Variants in TBC1D21 observed in about 807,000 individuals in gnomAD.
The protein encoded by TBC1D21 is TBC1 domain family member 21.
In TBC1D21, 38 loss-of-function variants were observed where a neutral mutation model predicts 46.0. That is an observed-to-expected ratio of 0.83 (90% CI 0.64 to 1.08). TBC1D21 has a LOEUF of 1.08. Ranked by LOEUF, TBC1D21 falls within the 50% of genes least tolerant of loss-of-function variation. TBC1D21 has a pLI of 0.00. For missense variants in TBC1D21, 415 were observed against 417.9 expected, an observed-to-expected ratio of 0.99 and a Z score of 0.06; for synonymous variants, 151 against 157.2, an observed-to-expected ratio of 0.96 and a Z score of 0.29.
chr15:73,876,498 C>T (rs2068071710), intron 1 of TBC1D21, among the ~76,000 whole-genome samples: 1 of 151,462 alleles, frequency 6.6e-6, no homozygotes, highest in South Asian at 2.1e-4. Flanking sequence ...CCGCCTCGGC[C>T]TCCCAAAGTG....
In TBC1D21 at chr15:73,880,104, C is replaced by T. The variant is rs552466423; in HGVS notation, c.61-1295C>T. On this transcript the variant is annotated intron_variant, in intron 1 of 10. Transcript: ENST00000300504. ...TAGAGACAGGGTTTCACCATGTTGC[C>T]CCAGGCTGGTCTCGAACTGACCTCA... is the stretch of plus-strand genomic sequence containing the variant. Among the ~76,000 whole-genome samples the T allele has an allele frequency of 4.5e-4, 69 of 152,122 alleles. No individual in the cohort carries two copies. The South Asian group carries it at 0.012, about 26-fold the overall frequency.
At chr15:73,880,045 C>T (rs576747106) in intron 1 of TBC1D21, among the ~76,000 whole-genome samples, 64 of 151,946 alleles carry the variant, frequency 4.2e-4, no homozygotes, top group South Asian at 1.3e-3. Context: ...TACCGGCATG[C>T]GCCACCATGC....
downstream of TBC1D21, among the ~76,000 whole-genome samples, chr15:73,890,494 G>T (rs1246675473): frequency 6.6e-6 from 1 of 152,210 alleles, no homozygotes; most frequent in African/African-American, 2.4e-5. Context: ...TTAAATAAGT[G>T]TTCCCGCATG....
At chr15:73,878,949 G>A (rs1457289908) in intron 1 of TBC1D21, among the ~76,000 whole-genome samples, 1 of 152,200 alleles carries the variant, frequency 6.6e-6, no homozygotes, top group Non-Finnish European at 1.5e-5. Flanking sequence ...CAGAAAGCTT[G>A]CTCTGATGAG....
intron 9 of TBC1D21, among the ~76,000 whole-genome samples, chr15:73,888,095 C>T (rs2141583455): frequency 6.6e-6 from 1 of 152,142 alleles, no homozygotes; most frequent in East Asian, 1.9e-4. Context: ...GAGTTTTCCA[C>T]CATTTTAAAA....
chr15:73,887,701 C>T lies in TBC1D21; in HGVS notation c.859C>T (p.Leu287=), dbSNP rs375614142. The part of the protein sequence containing the change: ...SMLQMVREQV[L]QESMGGDDIL... ...GCTGCAGATGGTGCGGGAGCAGGTGCTGCAGGAAAGCATGGGCGGGGATGA... is the reference window on the plus strand; with the variant it reads ...GCTGCAGATGGTGCGGGAGCAGGTGTTGCAGGAAAGCATGGGCGGGGATGA... Residue 287 remains leucine, a synonymous_variant, in exon 9 of 11, where the codon CTG becomes TTG. Coordinates refer to ENST00000300504, the MANE Select transcript of TBC1D21 (RefSeq NM_153356.3). The T allele has an allele frequency of 3.1e-6, 5 of 1,613,808 alleles. No homozygotes were observed. In the African/African-American group the frequency reaches 6.7e-5, roughly 22 times the overall value.
intron 5 of TBC1D21, 41 bp from the exon 6 acceptor site, chr15:73,884,962 T>TACC: frequency 1.9e-6 from 3 of 1,593,054 alleles, no homozygotes; most frequent in Non-Finnish European, 8.6e-7. Flanking sequence ...GTCCAGGCTC[T>TACC]CCCACCCAGC....
At chr15:73,889,398 C>A (rs115243517), downstream of TBC1D21, among the ~76,000 whole-genome samples, 1 of 152,114 alleles carries the variant, frequency 6.6e-6, no homozygotes, top group African/African-American at 2.4e-5. Context: ...TCCAAGGCTG[C>A]GGTGGATCCA....
chr15:73,907,150 CT>C, the TBC1D21 span, among the ~76,000 whole-genome samples: 103 of 96,404 alleles, frequency 1.1e-3, 1 homozygote, highest in Admixed American at 4.6e-4. Flanking sequence ...TCCTCCTCCT[CT>C]TTTTTTCCCC....
chr15:73,873,967 A>G (rs2068014254), intron 1 of TBC1D21, among the ~76,000 whole-genome samples, 198 bp downstream of exon 1: 1 of 152,192 alleles, frequency 6.6e-6, no homozygotes, highest in African/African-American at 2.4e-5. Context: ...CTTCTTTCCA[A>G]GCCAGCAAAA....
chr15:73,890,372 G>A (rs2068326870), downstream of TBC1D21, among the ~76,000 whole-genome samples: 2 of 152,208 alleles, frequency 1.3e-5, no homozygotes, highest in Non-Finnish European at 2.9e-5. Flanking sequence ...TGTCCCCCCA[G>A]CAACACCTTC....
In TBC1D21 at chr15:73,887,583, G is replaced by T; in HGVS notation, c.778-37G>T. ...CATCCTCAGGGCATCTGCAGTCTCA[G>T]ACCACAGGGCCCAGACTGAGACGTC... On this transcript the variant is annotated intron_variant, in intron 8 of 10. Coordinates refer to ENST00000300504, the MANE Select transcript of TBC1D21 (RefSeq NM_153356.3). The T allele has an allele frequency of 2.5e-6, 4 of 1,595,700 alleles. No homozygotes were observed. The South Asian group carries it at 3.3e-5, about 13-fold the overall frequency.
At chr15:73,891,608 C>T (rs2068337049), downstream of TBC1D21, among the ~76,000 whole-genome samples, 1 of 152,228 alleles carries the variant, frequency 6.6e-6, no homozygotes, top group Non-Finnish European at 1.5e-5. Context: ...GCCCTTGAAA[C>T]CCCCATGCCC....
the TBC1D21 span, among the ~76,000 whole-genome samples, chr15:73,900,074 G>C: frequency 1.8e-3 from 280 of 152,324 alleles, 1 homozygote; most frequent in Admixed American, 3.1e-3. Flanking sequence ...ATGTGACTGT[G>C]AGTTGGGTGT....
the TBC1D21 span, among the ~76,000 whole-genome samples, chr15:73,909,548 G>A: frequency 1.3e-5 from 2 of 152,204 alleles, no homozygotes; most frequent in South Asian, 4.1e-4. Flanking sequence ...GTGGAGGGAA[G>A]GTGGGATCAT....
At chr15:73,897,978 C>T in the TBC1D21 span, among the ~76,000 whole-genome samples, 2 of 152,248 alleles carry the variant, frequency 1.3e-5, no homozygotes, top group Non-Finnish European at 2.9e-5. Flanking sequence ...CCAGCACACA[C>T]ACACATTCTC....
At position 73,887,524 on chromosome 15, in the gene TBC1D21, C is replaced by T. The variant is rs544663199; in HGVS notation, c.778-96C>T. On this transcript the variant is annotated intron_variant, in intron 8 of 10. Coordinates refer to ENST00000300504, the MANE Select transcript of TBC1D21 (RefSeq NM_153356.3). ...AGTCAGCAGCAAGGCCCAGGAATGG[C>T]TGACTCCAGGCACGTGGTTGGTGGG... 2.9e-5 allele frequency: 29 copies of T among 1,003,264 alleles called. No homozygotes were observed. The African/African-American group carries it at 4.6e-4, about 16-fold the overall frequency. 62.1% of individuals were successfully genotyped at this position (1,003,264 alleles called of 1,614,324 possible).
rs377278376 is a variant in TBC1D21, at chr15:73,887,606, G to A, written c.778-14G>A. 68 of 1,612,626 alleles carry A rather than the reference G, an allele frequency of 4.2e-5. No individual in the cohort carries two copies. Among genetic ancestry groups the A allele is most frequent in the Middle Eastern group, 3.3e-4 (2 of 6,058 alleles). Reference sequence around the variant, plus strand: ...CAGACCACAGGGCCCAGACTGAGACGTCCTGACCCACAGGTTCTGCTGACG... The same window carrying A: ...CAGACCACAGGGCCCAGACTGAGACATCCTGACCCACAGGTTCTGCTGACG... On this transcript the variant is annotated splice_polypyrimidine_tract_variant and intron_variant, in intron 8 of 10. Coordinates refer to ENST00000300504, the MANE Select transcript of TBC1D21 (RefSeq NM_153356.3).
downstream of TBC1D21, among the ~76,000 whole-genome samples, chr15:73,893,052 G>A (rs2141591929): frequency 6.6e-6 from 1 of 152,304 alleles, no homozygotes; most frequent in East Asian, 1.9e-4. Context: ...GAATCTGGTG[G>A]TGGTAATGAT....
Sources: gnomAD v4.1 joint callset for allele counts (sites outside exome capture counted in the v4.1 genomes callset) on GRCh38, gnomAD v4.1.1 for gene constraint, MANE v1.5 for transcripts, NCBI Gene and HGNC (gene_info 2026-07-23, HGNC 2026-07-21) for gene names.